The following STXBP4 variants were observed in gnomAD, a reference collection of about 807,000 sequenced individuals.
The protein encoded by STXBP4 is syntaxin binding protein 4.
In STXBP4, 55 loss-of-function variants were observed where a neutral mutation model predicts 76.1. The observed-to-expected ratio is 0.72, with a 90% CI of 0.58 to 0.91. STXBP4 has a LOEUF of 0.91. STXBP4 is among the 40% of genes least tolerant of loss of function. The pLI is 0.00. For synonymous variants in STXBP4, 201 were observed against 220.2 expected, an observed-to-expected ratio of 0.91 and a Z score of 0.77; for missense variants, 618 against 636.9, an observed-to-expected ratio of 0.97 and a Z score of 0.32.
At position 54,969,792 on chromosome 17, in the gene STXBP4, G is replaced by C. The variant is rs527347380; in HGVS notation, c.-157+977G>C. Among the ~76,000 whole-genome samples the C allele has an allele frequency of 3.3e-5, 5 of 152,232 alleles. No individual in the cohort carries two copies. The East Asian group carries it at 9.6e-4, about 29-fold the overall frequency. ...CTCAACTGTGGGCCTGACACCAATC[G>C]ACCTGCTGGCACTATAGCACAGAAC... On this transcript the variant is annotated intron_variant, in intron 1 of 17. Coordinates refer to ENST00000376352, the MANE Select transcript of STXBP4 (RefSeq NM_178509.6).
chr17:55,208,577 A>AG, the STXBP4 span, among the ~76,000 whole-genome samples: 3 of 90,406 alleles, frequency 3.3e-5, no homozygotes, highest in African/African-American at 9.2e-5. Context: ...GAGGGAGGGA[A>AG]GAAGGAAGGA....
At chr17:55,123,134 G>T (rs867160502) in intron 16 of STXBP4, among the ~76,000 whole-genome samples, 1 of 152,100 alleles carries the variant, frequency 6.6e-6, no homozygotes, top group Non-Finnish European at 1.5e-5. Flanking sequence ...GATTTGCCCA[G>T]AGAACCCCAA....
intron 16 of STXBP4, among the ~76,000 whole-genome samples, chr17:55,091,138 C>G (rs1161698228): frequency 1.3e-5 from 2 of 152,078 alleles, no homozygotes; most frequent in Non-Finnish European, 2.9e-5. Context: ...TAAAAAATCC[C>G]TCCAGTTTAT....
At chr17:55,092,889 C>T (rs1395614072) in intron 16 of STXBP4, among the ~76,000 whole-genome samples, 1 of 152,182 alleles carries the variant, frequency 6.6e-6, no homozygotes, top group Non-Finnish European at 1.5e-5. Context: ...GGACCTCAGA[C>T]ATTCATCATT....
intron 17 of STXBP4, among the ~76,000 whole-genome samples, chr17:55,154,390 C>T (rs1465365820): frequency 6.6e-6 from 1 of 152,202 alleles, no homozygotes; most frequent in Non-Finnish European, 1.5e-5. Context: ...GAATGGAGAA[C>T]ATAAATTTTT....
At chr17:55,038,763 G>A (rs1461129400) in intron 10 of STXBP4, among the ~76,000 whole-genome samples, 5 of 146,654 alleles carry the variant, frequency 3.4e-5, no homozygotes, top group African/African-American at 1.4e-4. Flanking sequence ...ATCAAGTACT[G>A]TATCATTAAT....
At chr17:55,211,093 G>GCC in the STXBP4 span, among the ~76,000 whole-genome samples, 50 of 150,498 alleles carry the variant, frequency 3.3e-4, no homozygotes, top group African/African-American at 9.5e-4. Context: ...ATCGTGAAAT[G>GCC]CCCCCCCCCA....
intron 12 of STXBP4, among the ~76,000 whole-genome samples, chr17:55,059,687 C>T (rs1290680352): frequency 6.6e-6 from 1 of 152,040 alleles, no homozygotes. Context: ...CTTAGAAATG[C>T]AGTCTTAGGT....
intron 12 of STXBP4, among the ~76,000 whole-genome samples, chr17:55,071,862 A>G (rs1434241804): frequency 2.0e-5 from 3 of 152,216 alleles, no homozygotes; most frequent in Non-Finnish European, 4.4e-5. Flanking sequence ...TGGCAATTGG[A>G]GCAGAAAGTT....
intron 16 of STXBP4, among the ~76,000 whole-genome samples, chr17:55,135,821 T>C (rs78739872): frequency 0.02 from 3,087 of 152,162 alleles, 73 homozygotes; most frequent in African/African-American, 0.055. Flanking sequence ...AATTGAGACG[T>C]TGGGAATCTA....
chr17:55,011,809 G>T (rs750726919), intron 8 of STXBP4, among the ~76,000 whole-genome samples: 20 of 152,116 alleles, frequency 1.3e-4, no homozygotes, highest in Non-Finnish European at 2.6e-4. Context: ...ATTCTTAGTC[G>T]GCCTAGGAAA....
At chr17:55,112,090 C>T (rs1360721411) in intron 16 of STXBP4, among the ~76,000 whole-genome samples, 2 of 150,988 alleles carry the variant, frequency 1.3e-5, no homozygotes, top group East Asian at 3.9e-4. Flanking sequence ...TAATTTTACT[C>T]TTTTTTTTTT....
At chr17:55,078,446 A>G (rs926256263) in intron 14 of STXBP4, among the ~76,000 whole-genome samples, 1 of 152,200 alleles carries the variant, frequency 6.6e-6, no homozygotes, top group African/African-American at 2.4e-5. Flanking sequence ...TACTTTACCA[A>G]AAATCCTGAT....
At chr17:54,973,986 A>G (rs2077435043) in intron 1 of STXBP4, among the ~76,000 whole-genome samples, 1 of 152,196 alleles carries the variant, frequency 6.6e-6, no homozygotes, top group Non-Finnish European at 1.5e-5. Context: ...TATTCACATA[A>G]TGTTTTCTTA....
intron 16 of STXBP4, among the ~76,000 whole-genome samples, chr17:55,107,065 G>C (rs2079643953): frequency 6.6e-6 from 1 of 152,088 alleles, no homozygotes; most frequent in South Asian, 2.1e-4. Context: ...GTCACTTTCA[G>C]GTACACCAAT....
chr17:55,046,036 G>A (rs1315681547), intron 11 of STXBP4, among the ~76,000 whole-genome samples: 1 of 152,008 alleles, frequency 6.6e-6, no homozygotes, highest in Non-Finnish European at 1.5e-5. Flanking sequence ...ATAATTTTAT[G>A]TCAATAGCTA....
rs192026127 is a variant in STXBP4 at position 55,114,396 on chromosome 17, T to C, written c.1490-26914T>C. 3.9e-5 allele frequency among the ~76,000 whole-genome samples: 6 copies of C among 152,148 alleles called. No homozygotes were observed. In the East Asian group the frequency reaches 9.6e-4, roughly 24 times the overall value. On this transcript the variant is annotated intron_variant, in intron 16 of 17. Coordinates refer to ENST00000376352, the MANE Select transcript of STXBP4 (RefSeq NM_178509.6). Reference sequence around the variant, plus strand: ...TCTAAAAGAAAACAGGATAATAAACTAAGTAAAGCATGTGATTGGCTGTAT... The same window carrying C: ...TCTAAAAGAAAACAGGATAATAAACCAAGTAAAGCATGTGATTGGCTGTAT...
intron 17 of STXBP4, among the ~76,000 whole-genome samples, chr17:55,146,100 T>TAA (rs1221426319): frequency 2.0e-5 from 3 of 152,200 alleles, no homozygotes; most frequent in Admixed American, 2.0e-4. Context: ...TTATATAATA[T>TAA]AACAAAATTA....
At chr17:55,207,849 C>T in the STXBP4 span, among the ~76,000 whole-genome samples, 1 of 152,056 alleles carries the variant, frequency 6.6e-6, no homozygotes, top group African/African-American at 2.4e-5. Context: ...TCTAGGATAC[C>T]CACAAAGTGT....
Sources: allele counts gnomAD v4.1 joint callset (sites outside exome capture counted in the v4.1 genomes callset), GRCh38; gene constraint gnomAD v4.1.1; transcripts MANE v1.5; gene names NCBI Gene and HGNC (gene_info 2026-07-23, HGNC 2026-07-21).